The following NRXN3 variants were observed in gnomAD, a reference collection of about 807,000 sequenced individuals.
NRXN3 encodes neurexin 3, also known as neurexin III.
Under a neutral mutation model 137.6 loss-of-function variants are expected in NRXN3, and 32 were observed. The observed-to-expected ratio is 0.23, with a 90% CI of 0.18 to 0.31. The LOEUF (loss-of-function observed/expected upper bound fraction) is 0.31. NRXN3 is among the 10% of genes least tolerant of loss of function. NRXN3 has a pLI of 1.00. For synonymous variants in NRXN3, 798 were observed against 784.5 expected (o/e 1.02, Z -0.29); for missense variants, 1,574 against 2,062.5 (o/e 0.76, Z 4.59).
At chr14:79,462,638 C>A (rs1464889371) in intron 15 of NRXN3, among the ~76,000 whole-genome samples, 1 of 150,946 alleles carries the variant, frequency 6.6e-6, no homozygotes, top group Non-Finnish European at 1.5e-5. Flanking sequence ...TACATATATT[C>A]ACATATATAT....
At chr14:78,999,042 C>T (rs1238887805) in intron 15 of NRXN3, among the ~76,000 whole-genome samples, 1 of 152,062 alleles carries the variant, frequency 6.6e-6, no homozygotes, top group Non-Finnish European at 1.5e-5. Context: ...GGATCTTTGA[C>T]CACTGATTCA....
intron 15 of NRXN3, among the ~76,000 whole-genome samples, chr14:79,040,807 G>C (rs190427183): frequency 6.6e-6 from 1 of 152,126 alleles, no homozygotes; most frequent in Non-Finnish European, 1.5e-5. Flanking sequence ...GCGCATGTGG[G>C]CTCTTAGCTT....
At chr14:78,236,416 C>G (rs1349144484) in intron 1 of NRXN3, among the ~76,000 whole-genome samples, 2 of 152,182 alleles carry the variant, frequency 1.3e-5, no homozygotes, top group South Asian at 2.1e-4. Context: ...GAAGAGCAAT[C>G]ATTCTCAAAG....
At position 79,465,678 on chromosome 14, in the gene NRXN3, A is replaced by G. The variant is rs769347867; in HGVS notation, c.3263-1543A>G. Among the ~76,000 whole-genome samples the G allele has an allele frequency of 1.5e-3, 223 of 152,248 alleles. 1 individual carries two copies. The highest frequency in any genetic ancestry group is 2.3e-3 in the Non-Finnish European group (157 of 68,046). On this transcript the variant is annotated intron_variant, in intron 15 of 20. Coordinates refer to ENST00000335750, the MANE Select transcript of NRXN3 (RefSeq NM_001330195.2). Reference sequence around the variant, plus strand: ...TATTCTCTGTAAACTAGCTCTGGAAATACATGCGGACCAGTGCTTGAGATT... The same window carrying G: ...TATTCTCTGTAAACTAGCTCTGGAAGTACATGCGGACCAGTGCTTGAGATT...
At chr14:79,603,465 A>C (rs1055866834) in intron 16 of NRXN3, among the ~76,000 whole-genome samples, 1 of 152,176 alleles carries the variant, frequency 6.6e-6, no homozygotes, top group African/African-American at 2.4e-5. Flanking sequence ...TTTCTGTCCT[A>C]CCATGGATTG....
chr14:79,795,497 C>G (rs2099158395), intron 19 of NRXN3, among the ~76,000 whole-genome samples: 1 of 152,282 alleles, frequency 6.6e-6, no homozygotes, highest in African/African-American at 2.4e-5. Context: ...AAGCTGACCT[C>G]CTCTGCATTT....
intron 20 of NRXN3, among the ~76,000 whole-genome samples, chr14:79,831,301 T>C (rs2099322597): frequency 6.6e-6 from 1 of 152,204 alleles, no homozygotes; most frequent in African/African-American, 2.4e-5. Context: ...ACTTAAGAGC[T>C]AGTGAGTGAC....
At chr14:79,393,972 A>T (rs2094938093) in intron 15 of NRXN3, among the ~76,000 whole-genome samples, 1 of 152,240 alleles carries the variant, frequency 6.6e-6, no homozygotes, top group South Asian at 2.1e-4. Flanking sequence ...TAGGTCCAGT[A>T]GGGTGGAAGT....
intron 15 of NRXN3, among the ~76,000 whole-genome samples, chr14:79,434,760 G>A (rs2095817149): frequency 6.6e-6 from 1 of 152,194 alleles, no homozygotes; most frequent in African/African-American, 2.4e-5. Context: ...TGGGATAGAA[G>A]GATAATTTGG....
intron 15 of NRXN3, among the ~76,000 whole-genome samples, chr14:79,102,949 T>C (rs948360085): frequency 7.2e-5 from 11 of 152,182 alleles, no homozygotes; most frequent in Non-Finnish European, 1.5e-4. Context: ...CAGCTAATTA[T>C]TTTTAATACA....
intron 20 of NRXN3, among the ~76,000 whole-genome samples, chr14:79,841,562 G>A (rs1013957905): frequency 2.0e-5 from 3 of 152,132 alleles, no homozygotes; most frequent in African/African-American, 4.8e-5. Context: ...TGTGTTCTAC[G>A]TCAGTGGCTG....
intron 15 of NRXN3, among the ~76,000 whole-genome samples, chr14:79,403,059 G>T (rs563923542): frequency 2.0e-5 from 3 of 152,214 alleles, no homozygotes; most frequent in Non-Finnish European, 4.4e-5. Context: ...GTTTCTTTTG[G>T]GGGGTGAATG....
chr14:79,453,884 T>C (rs1275374700), intron 15 of NRXN3, among the ~76,000 whole-genome samples: 1 of 152,172 alleles, frequency 6.6e-6, no homozygotes, highest in Non-Finnish European at 1.5e-5. Flanking sequence ...TGCTCACTGA[T>C]CCAATTCCAA....
chr14:78,627,650 T>G (rs539181246), intron 4 of NRXN3, among the ~76,000 whole-genome samples: 1 of 152,240 alleles, frequency 6.6e-6, no homozygotes, highest in Non-Finnish European at 1.5e-5. Context: ...ATCTGCTTCA[T>G]GGTTATTTTA....
At position 78,982,993 on chromosome 14, in the gene NRXN3, T is replaced by G. The variant is rs76821857; in HGVS notation, c.3143-5029T>G. On this transcript the variant is annotated intron_variant, in intron 14 of 20. Coordinates refer to ENST00000335750, the MANE Select transcript of NRXN3 (RefSeq NM_001330195.2). ...AGCAAAGAATCTAACTAGACACTTCTTAAAAGAAGATATGCAGATGGCCAA... is the reference window on the plus strand; with the variant it reads ...AGCAAAGAATCTAACTAGACACTTCGTAAAAGAAGATATGCAGATGGCCAA... Among the ~76,000 whole-genome samples, 173 of 152,238 alleles carry G rather than the reference T, an allele frequency of 1.1e-3. 3 individuals are homozygous for G. In the East Asian group the frequency reaches 0.03, roughly 26 times the overall value.
intron 15 of NRXN3, among the ~76,000 whole-genome samples, chr14:79,087,620 G>A (rs140054935): frequency 2.7e-3 from 410 of 152,118 alleles, no homozygotes; most frequent in Middle Eastern, 6.8e-3. Flanking sequence ...ACAGAAAAGG[G>A]GGAACACTCA....
intron 10 of NRXN3, among the ~76,000 whole-genome samples, chr14:78,906,126 T>C (rs1033819371): frequency 6.6e-6 from 1 of 152,110 alleles, no homozygotes; most frequent in Admixed American, 6.6e-5. Flanking sequence ...CAATCATATT[T>C]TCTCTTAGAT....
intron 15 of NRXN3, among the ~76,000 whole-genome samples, chr14:79,215,301 A>G (rs1403649045): frequency 1.3e-5 from 2 of 152,158 alleles, no homozygotes; most frequent in East Asian, 1.9e-4. Flanking sequence ...TAATATTTGC[A>G]GCTTGGTCAA....
chr14:79,039,170 G>T (rs1468946194), intron 15 of NRXN3, among the ~76,000 whole-genome samples: 2 of 152,076 alleles, frequency 1.3e-5, no homozygotes, highest in African/African-American at 4.8e-5. Flanking sequence ...GAATATAGAG[G>T]TTTCCTTGTC....
Sources: gnomAD v4.1 joint callset for allele counts (sites outside exome capture counted in the v4.1 genomes callset) on GRCh38, gnomAD v4.1.1 for gene constraint, MANE v1.5 for transcripts, NCBI Gene and HGNC (gene_info 2026-07-23, HGNC 2026-07-21) for gene names.